STK24: variants seen among roughly 807,000 people sequenced by gnomAD.
The protein encoded by STK24 is serine/threonine-protein kinase 24.
In STK24, 21 loss-of-function variants were observed where a neutral mutation model predicts 55.6. The observed-to-expected ratio is 0.38, with a 90% CI of 0.27 to 0.54. STK24 has a LOEUF of 0.54. STK24 is among the 20% of genes least tolerant of loss of function. The pLI, the probability that STK24 is intolerant of heterozygous loss-of-function variation, is 0.79. For missense variants in STK24, 383 were observed against 538.4 expected (o/e 0.71, Z 2.86); for synonymous variants, 200 against 215.2 (o/e 0.93, Z 0.62).
intron 10 of STK24, chr13:98,456,622 T>C (rs1212409218): frequency 2.2e-6 from 1 of 465,036 alleles, no homozygotes; most frequent in Admixed American, 2.4e-5. Flanking sequence ...TCCTCACCCA[T>C]AGTGCATTCA....
chr13:98,483,550 C>A (rs766989112), intron 2 of STK24, among the ~76,000 whole-genome samples: 2 of 152,188 alleles, frequency 1.3e-5, no homozygotes, highest in Admixed American at 6.5e-5. Context: ...TTTGAGAACA[C>A]GCCCCAACTT....
At chr13:98,535,257 A>C (rs1249825506) in intron 1 of STK24, among the ~76,000 whole-genome samples, 1 of 145,848 alleles carries the variant, frequency 6.9e-6, no homozygotes, top group Non-Finnish European at 1.5e-5. Flanking sequence ...GAATCACTTG[A>C]ATCTGGGAGA....
chr13:98,460,251 C>T (rs528236409), intron 9 of STK24, 121 bp downstream of exon 9: 24 of 955,452 alleles, frequency 2.5e-5, no homozygotes, highest in East Asian at 5.3e-5. Flanking sequence ...GCAGGCTTTC[C>T]GAGCCTTTGC....
intron 2 of STK24, among the ~76,000 whole-genome samples, chr13:98,515,290 C>T (rs1262392260): frequency 6.6e-6 from 1 of 152,104 alleles, no homozygotes; most frequent in Non-Finnish European, 1.5e-5. Flanking sequence ...CCCCATATCC[C>T]CTACCCAACC....
In STK24 at chr13:98,535,336, T is replaced by A. The variant is rs558303109; in HGVS notation, c.43-15863A>T. On this transcript the variant is annotated intron_variant, in intron 1 of 10. Transcript: ENST00000539966. ...TGGGCAACAAGAGCGAAACTCTGTC[T>A]CAAACAAACAAACAAACAAACAAAC... is the stretch of plus-strand genomic sequence containing the variant. Among the ~76,000 whole-genome samples the A allele has an allele frequency of 1.6e-3, 169 of 106,310 alleles. 3 individuals are homozygous for A. The South Asian group carries it at 0.024, about 15-fold the overall frequency. 69.7% of individuals were successfully genotyped at this position (106,310 alleles called of 152,430 possible).
At chr13:98,520,687 C>G (rs981128138) in intron 1 of STK24, among the ~76,000 whole-genome samples, 1 of 152,230 alleles carries the variant, frequency 6.6e-6, no homozygotes, top group Non-Finnish European at 1.5e-5. Flanking sequence ...CAGGGGCCAC[C>G]CAGCCACAGC....
intron 1 of STK24, among the ~76,000 whole-genome samples, chr13:98,560,200 G>C (rs994037721): frequency 6.6e-6 from 1 of 152,198 alleles, no homozygotes; most frequent in African/African-American, 2.4e-5. Flanking sequence ...CGACGCTCCA[G>C]TCCTCGTGGG....
At chr13:98,472,809 T>A (rs1249741028) in intron 5 of STK24, among the ~76,000 whole-genome samples, 2 of 152,216 alleles carry the variant, frequency 1.3e-5, no homozygotes, top group Non-Finnish European at 1.5e-5. Context: ...TTTTAAATCT[T>A]TAAACATTCT....
At chr13:98,554,547 A>G (rs561135131) in intron 1 of STK24, among the ~76,000 whole-genome samples, 1 of 152,322 alleles carries the variant, frequency 6.6e-6, no homozygotes, top group South Asian at 2.1e-4. Flanking sequence ...ATTTTAGGCC[A>G]GCTGCCAGTG....
intron 1 of STK24, among the ~76,000 whole-genome samples, chr13:98,529,710 T>C (rs1448266535): frequency 2.6e-5 from 4 of 151,294 alleles, no homozygotes; most frequent in Non-Finnish European, 5.9e-5. Context: ...AACAGGGGGG[T>C]CCAGAGGCCC....
At chr13:98,521,820 G>A (rs761442389) in intron 1 of STK24, 1 of 783,884 alleles carries the variant, frequency 1.3e-6, no homozygotes, top group East Asian at 2.4e-5. Context: ...TTTTATTCAA[G>A]GCCAGTCCCC....
At chr13:98,462,354 T>C (rs897238485) in intron 7 of STK24, among the ~76,000 whole-genome samples, 1 of 152,058 alleles carries the variant, frequency 6.6e-6, no homozygotes, top group Non-Finnish European at 1.5e-5. Flanking sequence ...ACTGCCTCTA[T>C]TTGGTACCCT....
chr13:98,551,720 T>C lies in STK24; in HGVS notation c.42+25025A>G, dbSNP rs1350151996. On this transcript the variant is annotated intron_variant, in intron 1 of 10. Transcript: ENST00000539966. The stretch of plus-strand genomic sequence containing the variant: ...AGTTTGTACCTCTCTCTGGTTACTA[T>C]TAGCCTGGACTCCAATGCTTGCTGG... Among the ~76,000 whole-genome samples the C allele has an allele frequency of 2.6e-5, 4 of 152,192 alleles. No individual in the cohort carries two copies. In the East Asian group the frequency reaches 7.7e-4, roughly 29 times the overall value.
chr13:98,519,101 G>C (rs969043225), intron 2 of STK24, 142 bp downstream of exon 2: 6 of 649,718 alleles, frequency 9.2e-6, no homozygotes, highest in Non-Finnish European at 1.6e-5. Flanking sequence ...ATCAAAGCCA[G>C]GTTCTTTTGA....
intron 9 of STK24, among the ~76,000 whole-genome samples, chr13:98,459,685 C>T (rs1893619232): frequency 6.6e-6 from 1 of 152,218 alleles, no homozygotes; most frequent in African/African-American, 2.4e-5. Flanking sequence ...AGGGAAGATC[C>T]CCACGCAAAC....
chr13:98,456,381 C>A (rs931636369), intron 10 of STK24: 4 of 430,388 alleles, frequency 9.3e-6, no homozygotes, highest in Non-Finnish European at 1.9e-5. Flanking sequence ...AGCCTGGACA[C>A]CTGAAGATGA....
Position 98,482,250 on chromosome 13 carries a change from C to T in STK24, c.330+15G>A. On this transcript the variant is annotated intron_variant, in intron 3 of 10. Transcript: ENST00000539966. ...AAAGCTTTGATACGTATTCTGCATC[C>T]AACATAATACTTACTAGATCTAGTG... The T allele has an allele frequency of 2.7e-6, 4 of 1,468,048 alleles. No individual in the cohort carries two copies. Among genetic ancestry groups the T allele is most frequent in the Non-Finnish European group, 3.7e-6 (4 of 1,082,658 alleles). 90.9% of individuals were successfully genotyped at this position (1,468,048 alleles called of 1,614,324 possible).
intron 1 of STK24, among the ~76,000 whole-genome samples, chr13:98,520,335 C>T (rs11069310): frequency 0.034 from 5,156 of 152,270 alleles, 276 homozygotes; most frequent in African/African-American, 0.12. Context: ...ATGCCAATGG[C>T]ACCCCGGTGA....
At chr13:98,479,642 G>A (rs1399821424) in intron 3 of STK24, among the ~76,000 whole-genome samples, 1 of 152,106 alleles carries the variant, frequency 6.6e-6, no homozygotes, top group Non-Finnish European at 1.5e-5. Context: ...TTTAACTTGG[G>A]GCAAAGTCAC....
Sources: gnomAD v4.1 joint callset for allele counts (sites outside exome capture counted in the v4.1 genomes callset) on GRCh38, gnomAD v4.1.1 for gene constraint, MANE v1.5 for transcripts, NCBI Gene and HGNC (gene_info 2026-07-23, HGNC 2026-07-21) for gene names.